Variants in ENTPD1 observed in about 807,000 individuals in gnomAD.
ENTPD1 encodes ectonucleoside triphosphate diphosphohydrolase 1.
In ENTPD1, 33 loss-of-function variants were observed where a neutral mutation model predicts 57.0. The ratio of observed to expected loss-of-function variants is 0.58; its 90% CI spans 0.44 to 0.77. The LOEUF (loss-of-function observed/expected upper bound fraction) is 0.77, where lower values mean the gene tolerates loss of function less well. Among genes scored for constraint, ENTPD1 ranks in the 30% least tolerant of loss-of-function variants. The pLI is 0.00. For synonymous variants in ENTPD1, 202 were observed against 218.8 expected (o/e 0.92, Z 0.68); for missense variants, 501 against 603.4 (o/e 0.83, Z 1.78).
upstream of ENTPD1, among the ~76,000 whole-genome samples, chr10:95,707,359 G>A (rs1159338624): frequency 6.6e-6 from 1 of 152,214 alleles, no homozygotes; most frequent in African/African-American, 2.4e-5. Context: ...GGGGGCTGCA[G>A]TGGTACCTGG....
chr10:95,756,040 TG>T, upstream of ENTPD1: 1 of 1,473,570 alleles, frequency 6.8e-7, no homozygotes, highest in South Asian at 1.5e-5. Context: ...TCAGTCAATC[TG>T]TCCTTTCTAG....
intron 1 of ENTPD1, among the ~76,000 whole-genome samples, chr10:95,723,436 G>T (rs1266595655): frequency 6.6e-6 from 1 of 152,134 alleles, no homozygotes; most frequent in African/African-American, 2.4e-5. Context: ...CCTAAATTGG[G>T]AGGGATACCA....
intron 1 of ENTPD1, among the ~76,000 whole-genome samples, chr10:95,768,288 G>T (rs2098098795): frequency 6.6e-6 from 1 of 152,134 alleles, no homozygotes; most frequent in South Asian, 2.1e-4. Context: ...AAACCCTCTT[G>T]ATTTCCAAAT....
In ENTPD1 at chr10:95,856,671, T is replaced by TATATATATATATATATATAC. The variant is rs571622251; in HGVS notation, c.1075-3797_1075-3796insTATATATATATATATATACA. Among the ~76,000 whole-genome samples the TATATATATATATATATATAC allele has an allele frequency of 3.3e-3, 485 of 146,634 alleles. 2 individuals carry two copies. Among genetic ancestry groups the TATATATATATATATATATAC allele is most frequent in the Non-Finnish European group, 5.5e-3 (370 of 66,694 alleles). The stretch of plus-strand genomic sequence containing the variant: ...GTATGCATATATATATATATATATA[T>TATATATATATATATATATAC]ACACACACATAAATGTATATACACA... On this transcript the variant is annotated intron_variant, in intron 7 of 9. Coordinates refer to ENST00000371205, the MANE Select transcript of ENTPD1 (RefSeq NM_001776.6).
Position 95,842,446 on chromosome 10 carries a change from A to G in ENTPD1, c.365A>G (p.Gln122Arg). 6.2e-7 allele frequency: 1 copy of G among 1,614,174 alleles called. No homozygotes were observed. Among genetic ancestry groups the G allele is most frequent in the Non-Finnish European group, 8.5e-7 (1 of 1,180,032 alleles). The change falls in exon 4 of 10, where the codon CAA becomes CGA. Residue 122 changes from glutamine to arginine, a missense_variant. Coordinates refer to ENST00000371205, the MANE Select transcript of ENTPD1 (RefSeq NM_001776.6). ...GAAGTGATTCCAAGGTCCCAGCACCAAGAGACACCCGTTTACCTGGGAGCC... is the reference window on the plus strand; with the variant it reads ...GAAGTGATTCCAAGGTCCCAGCACCGAGAGACACCCGTTTACCTGGGAGCC... ...AREVIPRSQH[Q>R]ETPVYLGATA...
chr10:95,699,572 C>T, the ENTPD1 span, among the ~76,000 whole-genome samples: 1 of 151,376 alleles, frequency 6.6e-6, no homozygotes, highest in African/African-American at 2.4e-5. Flanking sequence ...TGTGCCACTG[C>T]ACTCCAGCCT....
At chr10:95,774,020 G>T (rs1477827833) in intron 1 of ENTPD1, among the ~76,000 whole-genome samples, 2 of 152,110 alleles carry the variant, frequency 1.3e-5, no homozygotes, top group Non-Finnish European at 2.9e-5. Flanking sequence ...TTTAATGATT[G>T]CCATTCTAAC....
chr10:95,782,889 G>C lies in ENTPD1; in HGVS notation c.16+26634G>C, dbSNP rs2098163496. Among the ~76,000 whole-genome samples the C allele has an allele frequency of 2.0e-5, 3 of 152,278 alleles. No individual in the cohort carries two copies. In the East Asian group the frequency reaches 5.8e-4, roughly 29 times the overall value. ...ATAATGGGATGGAGGCATGGGAGGA[G>C]AATGTCTGGGTTAAAAAGATACTGA... On this transcript the variant is annotated intron_variant, in intron 1 of 9. Coordinates refer to ENST00000371205, the MANE Select transcript of ENTPD1 (RefSeq NM_001776.6).
chr10:95,755,848 G>A (rs1053556580), upstream of ENTPD1: 15 of 1,505,558 alleles, frequency 1.0e-5, no homozygotes, highest in Admixed American at 2.0e-5. Flanking sequence ...ACTTTTTCAA[G>A]GGAGAAAAAG....
the ENTPD1 span, chr10:95,694,192 G>A: frequency 2.4e-6 from 1 of 422,752 alleles, no homozygotes; most frequent in South Asian, 2.5e-5. Flanking sequence ...GGTGGCGGTA[G>A]GAGTTCGGCG....
intron 1 of ENTPD1, among the ~76,000 whole-genome samples, chr10:95,734,170 A>G (rs2097992102): frequency 6.6e-6 from 1 of 152,228 alleles, no homozygotes; most frequent in East Asian, 1.9e-4. Flanking sequence ...AGATGGGATC[A>G]AGCTAGGTGT....
chr10:95,806,612 C>T (rs1332533016), intron 1 of ENTPD1, among the ~76,000 whole-genome samples: 1 of 152,196 alleles, frequency 6.6e-6, no homozygotes, highest in African/African-American at 2.4e-5. Flanking sequence ...GGTTTCACCC[C>T]ATCTTTGTGG....
upstream of ENTPD1, chr10:95,755,578 G>C (rs1415589200): frequency 2.3e-6 from 2 of 887,462 alleles, no homozygotes; most frequent in East Asian, 2.7e-5. Flanking sequence ...CCATTGAGCA[G>C]CTCCTCTGTG....
rs539611356 is a variant in ENTPD1 at position 95,839,943 on chromosome 10, TTGTTA to T, written c.262+142_262+146del. On this transcript the variant is annotated intron_variant, in intron 3 of 9. Coordinates refer to ENST00000371205, the MANE Select transcript of ENTPD1 (RefSeq NM_001776.6). ...AGTGAAGAAAACAGTGCAGCTGCTG[TTGTTA>T]TGTTATCGTTACAGAAAACATATTG... 582 of 820,666 alleles carry T rather than the reference TTGTTA, an allele frequency of 7.1e-4. 1 individual carries two copies. Among genetic ancestry groups the T allele is most frequent in the Middle Eastern group, 4.0e-3 (13 of 3,240 alleles). The allele number at this position is 820,666 out of a possible 1,614,324, so 50.8% of individuals were successfully genotyped here.
the ENTPD1 span, among the ~76,000 whole-genome samples, chr10:95,699,148 C>T: frequency 6.6e-6 from 1 of 151,786 alleles, no homozygotes; most frequent in East Asian, 1.9e-4. Flanking sequence ...GCACTCTGCC[C>T]TGGGTGACAA....
At chr10:95,723,285 T>C (rs2097979586) in intron 1 of ENTPD1, among the ~76,000 whole-genome samples, 2 of 152,176 alleles carry the variant, frequency 1.3e-5, no homozygotes, top group Admixed American at 1.3e-4. Flanking sequence ...TCTCTTTGAC[T>C]CCCTCTTTGT....
chr10:95,869,369 C>T lies in ENTPD1; in HGVS notation c.*2986C>T. On this transcript the variant is annotated 3_prime_UTR_variant, in exon 10 of 10. Coordinates refer to ENST00000371205, the MANE Select transcript of ENTPD1 (RefSeq NM_001776.6). ...GGTTCAAGCAATTCTCCTGCCTCAG[C>T]CTCCCGAGTAGCTGGGATTGCAGGT... 1 of 735,158 alleles carries T rather than the reference C, an allele frequency of 1.4e-6. No individual in the cohort carries two copies. The highest frequency in any genetic ancestry group is 1.9e-5 in the African/African-American group (1 of 52,000). 45.5% of individuals were successfully genotyped at this position (735,158 alleles called of 1,614,324 possible).
intron 7 of ENTPD1, among the ~76,000 whole-genome samples, chr10:95,853,118 T>G (rs967332688): frequency 6.6e-6 from 1 of 152,224 alleles, no homozygotes; most frequent in African/African-American, 2.4e-5. Flanking sequence ...GAGCAGTGGT[T>G]TGTAGTTCTC....
At chr10:95,779,802 C>T (rs1009481355) in intron 1 of ENTPD1, among the ~76,000 whole-genome samples, 1 of 152,122 alleles carries the variant, frequency 6.6e-6, no homozygotes, top group Non-Finnish European at 1.5e-5. Context: ...CACAAACAAA[C>T]ACTATCGTGC....
Sources: gnomAD v4.1 joint callset for allele counts (sites outside exome capture counted in the v4.1 genomes callset) on GRCh38, gnomAD v4.1.1 for gene constraint, MANE v1.5 for transcripts, NCBI Gene and HGNC (gene_info 2026-07-23, HGNC 2026-07-21) for gene names.